Variants in RBM25 observed in about 807,000 individuals in gnomAD.
The protein encoded by RBM25 is RNA-binding protein 25.
RBM25 carries 19 observed loss-of-function variants against 120.7 expected under a neutral mutation model. The ratio of observed to expected loss-of-function variants is 0.16; its 90% CI spans 0.11 to 0.23. The LOEUF (loss-of-function observed/expected upper bound fraction) is 0.23. RBM25 is among the 10% of genes least tolerant of loss of function. RBM25 has a pLI of 1.00. For missense variants in RBM25, 605 were observed against 1,041.5 expected (o/e 0.58, Z 5.77); for synonymous variants, 390 against 326.7 (o/e 1.19, Z -2.09).
intron 4 of RBM25, among the ~76,000 whole-genome samples, chr14:73,082,911 A>T (rs999377768): frequency 1.5e-4 from 23 of 151,478 alleles, no homozygotes; most frequent in Non-Finnish European, 2.4e-4. Context: ...AATAAATAAA[A>T]AAAAAAAAAC....
chr14:73,075,357 C>G (rs1209003892), intron 2 of RBM25, among the ~76,000 whole-genome samples: 3 of 152,050 alleles, frequency 2.0e-5, no homozygotes, highest in Non-Finnish European at 4.4e-5. Context: ...CAGGGCTTCT[C>G]CATGTTGGTC....
chr14:73,115,035 G>T (rs1477545702), intron 18 of RBM25, among the ~76,000 whole-genome samples: 3 of 152,196 alleles, frequency 2.0e-5, no homozygotes, highest in Non-Finnish European at 4.4e-5. Context: ...CTGGAACCTT[G>T]ATGTACTTGT....
At chr14:73,079,098 A>C (rs1895495871) in intron 4 of RBM25, among the ~76,000 whole-genome samples, 1 of 145,112 alleles carries the variant, frequency 6.9e-6, no homozygotes, top group Admixed American at 6.9e-5. Context: ...ATACATGTAC[A>C]TTGTTAAGTG....
At position 73,120,877 on chromosome 14, in the gene RBM25, A is replaced by G. The variant is rs1352102228; in HGVS notation, c.*1072A>G. ...GTAAGTTTACATGTTATTTAAGGAT[A>G]AAGGTAAATCATTCAAGGCAGTTAC... is the stretch of plus-strand genomic sequence containing the variant. On this transcript the variant is annotated 3_prime_UTR_variant, in exon 19 of 19. Transcript: ENST00000261973. 1 of 152,200 alleles carries G rather than the reference A, an allele frequency of 6.6e-6. No individual in the cohort carries two copies. Among genetic ancestry groups the G allele is most frequent in the Non-Finnish European group, 1.5e-5 (1 of 68,016 alleles). 9.4% of individuals were successfully genotyped at this position (152,200 alleles called of 1,614,324 possible). A position where few individuals can be genotyped will look rare whatever the true frequency, so the allele number is the denominator to read the frequency against.
chr14:73,111,824 A>T (rs1896314918), intron 16 of RBM25, 22 bp downstream of exon 16: 1 of 1,556,456 alleles, frequency 6.4e-7, no homozygotes, highest in Admixed American at 2.1e-5. Context: ...ATTATATTTC[A>T]TCATATTATT....
In RBM25 at chr14:73,064,040, T is replaced by C. The variant is rs534052245; in HGVS notation, c.-16+5335T>C. Among the ~76,000 whole-genome samples, 7 of 151,476 alleles carry C rather than the reference T, an allele frequency of 4.6e-5. 1 individual carries two copies. Among genetic ancestry groups the C allele is most frequent in the South Asian group, 4.2e-4 (2 of 4,812 alleles). Reference sequence around the variant, plus strand: ...CTTGGAAGTCTCTTTCCCCCAGATATGAATAGGGCTTCCTGCCTCTGCCTC... The same window carrying C: ...CTTGGAAGTCTCTTTCCCCCAGATACGAATAGGGCTTCCTGCCTCTGCCTC... On this transcript the variant is annotated intron_variant, in intron 1 of 18. Coordinates refer to ENST00000261973, the MANE Select transcript of RBM25 (RefSeq NM_021239.3).
At position 73,103,405 on chromosome 14, in the gene RBM25, C is replaced by G. The variant is rs1566596964; in HGVS notation, c.1081C>G (p.Arg361Gly). 3.1e-6 allele frequency: 5 copies of G among 1,613,270 alleles called. No individual in the cohort carries two copies. The highest frequency in any genetic ancestry group is 2.5e-6 in the Non-Finnish European group (3 of 1,179,732). Residue 361 changes from arginine (R) to glycine (G), a missense_variant, in exon 10 of 19, where the codon CGG becomes GGG. Arg to Gly is a moderately radical substitution (Grantham distance 125). Coordinates refer to ENST00000261973, the MANE Select transcript of RBM25 (RefSeq NM_021239.3). ...CCGGACAAAAGAGAGAGACCGAGAT[C>G]GGGATCGAGAGAGAGATCGTGACCG... ...RDRTKERDRD[R>G]DRERDRDRDR... is the part of the protein sequence containing the mutation.
At chr14:73,109,651 G>T (rs1896264422) in intron 14 of RBM25, among the ~76,000 whole-genome samples, 159 bp downstream of exon 14, 1 of 152,100 alleles carries the variant, frequency 6.6e-6, no homozygotes, top group Non-Finnish European at 1.5e-5. Flanking sequence ...AGATTAGCCG[G>T]GTGTAGTGGT....
rs1896557056 is a variant in RBM25 at position 73,122,639 on chromosome 14, T to A, written c.*2834T>A. On this transcript the variant is annotated 3_prime_UTR_variant, in exon 19 of 19. Coordinates refer to ENST00000261973, the MANE Select transcript of RBM25 (RefSeq NM_021239.3). The stretch of plus-strand genomic sequence containing the variant: ...AAAAAGTAGTAGAATACTACTTTTC[T>A]TTATTTGTCCCTAAAAATAAAGTAT... The A allele has an allele frequency of 6.6e-6, 1 of 152,208 alleles. No homozygotes were observed. The highest frequency in any genetic ancestry group is 1.5e-5 in the Non-Finnish European group (1 of 68,032). 9.4% of individuals were successfully genotyped at this position (152,208 alleles called of 1,614,324 possible). A position where few individuals can be genotyped will look rare whatever the true frequency, so the allele number is the denominator to read the frequency against.
intron 4 of RBM25, among the ~76,000 whole-genome samples, chr14:73,079,131 A>G (rs1326314054): frequency 6.7e-6 from 1 of 150,104 alleles, no homozygotes; most frequent in African/African-American, 2.4e-5. Context: ...ATGATTGTAT[A>G]ATAAAATAAG....
Position 73,105,847 on chromosome 14 carries a change from T to G in RBM25, c.1155-12T>G. 1.2e-6 allele frequency: 2 copies of G among 1,601,608 alleles called. No homozygotes were observed. Among genetic ancestry groups the G allele is most frequent in the Non-Finnish European group, 1.7e-6 (2 of 1,175,404 alleles). ...AGACTGACAGATTTGTAAAATATTT[T>G]GTTTACATTAGAGAAAAAAGCAGAG... On this transcript the variant is annotated splice_polypyrimidine_tract_variant and intron_variant, in intron 10 of 18. Coordinates refer to ENST00000261973, the MANE Select transcript of RBM25 (RefSeq NM_021239.3).
At position 73,099,388 on chromosome 14, in the gene RBM25, C is replaced by T; in HGVS notation, c.738C>T (p.Arg246=). 6.3e-7 allele frequency: 1 copy of T among 1,597,532 alleles called. No homozygotes were observed. Among genetic ancestry groups the T allele is most frequent in the Non-Finnish European group, 8.5e-7 (1 of 1,176,530 alleles). Residue 246 remains arginine (R), a synonymous_variant, in exon 8 of 19, where the codon CGC becomes CGT. Transcript: ENST00000261973. The part of the protein sequence containing the change: ...KKKEKKEDIF[R]RFPVAPLIPY... Reference sequence around the variant, plus strand: ...GGTGGATTTTTTCACAGATTTTCCGCAGATTTCCAGTGGCCCCACTGATCC... The same window carrying T: ...GGTGGATTTTTTCACAGATTTTCCGTAGATTTCCAGTGGCCCCACTGATCC...
In RBM25 at chr14:73,122,743, G is replaced by A. The variant is rs1344067898; in HGVS notation, c.*2938G>A. 1 of 152,254 alleles carries A rather than the reference G, an allele frequency of 6.6e-6. No individual in the cohort carries two copies. The highest frequency in any genetic ancestry group is 1.5e-5 in the Non-Finnish European group (1 of 68,012). The allele number at this position is 152,254 out of a possible 1,614,324, so 9.4% of individuals were successfully genotyped here. On this transcript the variant is annotated 3_prime_UTR_variant, in exon 19 of 19. Transcript: ENST00000261973. ...TTAATGTGACCCCAAATCATCTGAG[G>A]AGTGCTTGTAGAAATAGAGACACTG...
At chr14:73,089,698 C>T (rs1412011182) in intron 6 of RBM25, among the ~76,000 whole-genome samples, 2 of 119,592 alleles carry the variant, frequency 1.7e-5, no homozygotes, top group African/African-American at 7.7e-5. Context: ...ATGGAGTTTC[C>T]CTCTCTTGCC....
At chr14:73,094,527 A>C (rs1191403137) in intron 6 of RBM25, among the ~76,000 whole-genome samples, 1 of 151,312 alleles carries the variant, frequency 6.6e-6, no homozygotes, top group Non-Finnish European at 1.5e-5. Flanking sequence ...GGCTCACTGC[A>C]ATCTCTGCCT....
At chr14:73,094,926 T>C (rs1895907235) in intron 6 of RBM25, among the ~76,000 whole-genome samples, 1 of 151,846 alleles carries the variant, frequency 6.6e-6, no homozygotes, top group South Asian at 2.1e-4. Context: ...GCATGATCTC[T>C]GCTCACTGCA....
At chr14:73,100,708 C>A (rs887688466) in intron 9 of RBM25, 16 of 161,906 alleles carry the variant, frequency 9.9e-5, no homozygotes, top group Non-Finnish European at 2.0e-4. Context: ...CTTTCAAAAT[C>A]TGCAGTTCAC....
At chr14:73,079,455 A>G (rs771696164) in intron 4 of RBM25, among the ~76,000 whole-genome samples, 8 of 150,600 alleles carry the variant, frequency 5.3e-5, no homozygotes, top group Non-Finnish European at 1.0e-4. Context: ...AAGAATGACT[A>G]TATTCTGCAC....
intron 1 of RBM25, chr14:73,068,642 C>T (rs1594896740): frequency 2.5e-6 from 1 of 397,352 alleles, no homozygotes. Context: ...GCTCTCTGTC[C>T]AAAGAGAAGG....
Sources: gnomAD v4.1 joint callset for allele counts (sites outside exome capture counted in the v4.1 genomes callset) on GRCh38, gnomAD v4.1.1 for gene constraint, MANE v1.5 for transcripts, NCBI Gene and HGNC (gene_info 2026-07-23, HGNC 2026-07-21) for gene names.